The following ZBTB10 variants were observed in gnomAD, a reference collection of about 807,000 sequenced individuals.
ZBTB10 encodes zinc finger and BTB domain containing 10.
Under a neutral mutation model 76.4 loss-of-function variants are expected in ZBTB10, and 32 were observed. The ratio of observed to expected loss-of-function variants is 0.42; its 90% CI spans 0.32 to 0.56. The LOEUF is 0.56. Among genes scored for constraint, ZBTB10 ranks in the 20% least tolerant of loss-of-function variants. The probability of loss-of-function intolerance (pLI) is 0.14; values close to 1 mark genes in which losing one functional copy is unlikely to be tolerated. For synonymous variants in ZBTB10, 523 were observed against 432.9 expected, an observed-to-expected ratio of 1.21 and a Z score of -2.58; for missense variants, 1,057 against 1,098.5, an observed-to-expected ratio of 0.96 and a Z score of 0.53.
At chr8:80,513,784 A>G (rs772426150) in intron 2 of ZBTB10, 126 bp from the exon 3 acceptor site, 12 of 721,614 alleles carry the variant, frequency 1.7e-5, no homozygotes, top group African/African-American at 3.5e-5. Context: ...AGTATTGAAC[A>G]CAGTAGATAA....
At chr8:80,504,621 G>GAA (rs1816005732) in intron 2 of ZBTB10, among the ~76,000 whole-genome samples, 1 of 152,168 alleles carries the variant, frequency 6.6e-6, no homozygotes, top group South Asian at 2.1e-4. Flanking sequence ...GTAGAACTCA[G>GAA]AAAAGTTAGA....
At position 80,489,085 on chromosome 8, in the gene ZBTB10, G is replaced by A. The variant is rs1387781876; in HGVS notation, c.972+1303G>A. Among the ~76,000 whole-genome samples the A allele has an allele frequency of 4.6e-5, 7 of 151,832 alleles. No homozygotes were observed. The East Asian group carries it at 1.4e-3, about 29-fold the overall frequency. On this transcript the variant is annotated intron_variant, in intron 1 of 5. Transcript: ENST00000455036. ...ATTTAAAGATACAAGGCCGAGAAAG[G>A]TTAAGTAAATAGTCCTAAGAGTCTG...
In ZBTB10 at chr8:80,510,646, GTGTGTGT is replaced by G. The variant is rs1563464853; in HGVS notation, c.1862-3263_1862-3257del. Among the ~76,000 whole-genome samples the G allele has an allele frequency of 6.9e-3, 997 of 145,364 alleles. 7 individuals are homozygous for G. The highest frequency in any genetic ancestry group is 0.023 in the African/African-American group (936 of 40,606). ...CCGTCATTTTGTGAAACCAGTGTGTGTGTGTGTGTGTGTGTGTGTGTGTGTGTGTGTG... is the reference window on the plus strand; with the variant it reads ...CCGTCATTTTGTGAAACCAGTGTGTGGTGTGTGTGTGTGTGTGTGTGTGTG... On this transcript the variant is annotated intron_variant, in intron 2 of 5. Coordinates refer to ENST00000455036, the MANE Select transcript of ZBTB10 (RefSeq NM_001105539.3).
chr8:80,495,550 A>T (rs1298459754), intron 1 of ZBTB10, among the ~76,000 whole-genome samples: 1 of 152,006 alleles, frequency 6.6e-6, no homozygotes, highest in African/African-American at 2.4e-5. Flanking sequence ...AAAAAACTGG[A>T]TTAGATACAC....
intron 1 of ZBTB10, among the ~76,000 whole-genome samples, chr8:80,494,549 C>G (rs1437332774): frequency 6.6e-6 from 1 of 151,996 alleles, no homozygotes; most frequent in African/African-American, 2.4e-5. Context: ...TTTTTCTAGG[C>G]TCTGCTTCAC....
upstream of ZBTB10, chr8:80,485,967 C>G (rs1256775646): frequency 1.5e-6 from 2 of 1,359,772 alleles, no homozygotes; most frequent in Non-Finnish European, 2.0e-6. Flanking sequence ...CGGCCGCACA[C>G]GCCCGCCCCC....
intron 1 of ZBTB10, among the ~76,000 whole-genome samples, chr8:80,498,522 G>C (rs1044635196): frequency 2.6e-5 from 4 of 152,182 alleles, no homozygotes; most frequent in Non-Finnish European, 5.9e-5. Context: ...ACTAATCAAA[G>C]TGCTGGAGGG....
intron 5 of ZBTB10, 84 bp downstream of exon 5, chr8:80,519,038 T>G: frequency 6.9e-7 from 1 of 1,459,208 alleles, no homozygotes; most frequent in Non-Finnish European, 9.1e-7. Flanking sequence ...CAGTTAATTG[T>G]GAATTTAAGG....
At position 80,486,917 on chromosome 8, in the gene ZBTB10, C is replaced by T. The variant is rs201355421; in HGVS notation, c.107C>T (p.Ser36Leu). 0.015 allele frequency: 21,876 copies of T among 1,508,016 alleles called. 216 individuals carry two copies. Among genetic ancestry groups the T allele is most frequent in the Non-Finnish European group, 0.018 (19,926 of 1,132,204 alleles). 93.4% of individuals were successfully genotyped at this position (1,508,016 alleles called of 1,614,324 possible). ...STNNNAGGEASAWPPQPQPRQ... is the reference protein window; with the variant it reads ...STNNNAGGEALAWPPQPQPRQ... The stretch of plus-strand genomic sequence containing the variant: ...AACAATAACGCTGGCGGGGAGGCCT[C>T]AGCTTGGCCTCCGCAGCCCCAGCCG... The change falls in exon 1 of 6, where the codon TCA becomes TTA. Residue 36 changes from serine to leucine, a missense_variant. By Grantham distance (145) the Ser-to-Leu change is moderately radical (BLOSUM62 -2). Around this residue, in one of 5 missense-constraint regions of ZBTB10, gnomAD observed 556 missense variants for 451.7 expected, o/e 1.23. Transcript: ENST00000455036.
chr8:80,504,692 A>G (rs1323397574), intron 2 of ZBTB10, among the ~76,000 whole-genome samples: 1 of 152,226 alleles, frequency 6.6e-6, no homozygotes, highest in Non-Finnish European at 1.5e-5. Context: ...AACTGTCAGC[A>G]AAAACTAAAA....
At chr8:80,510,890 G>C (rs1055935960) in intron 2 of ZBTB10, among the ~76,000 whole-genome samples, 2 of 152,164 alleles carry the variant, frequency 1.3e-5, no homozygotes, top group African/African-American at 4.8e-5. Flanking sequence ...AGAAAAAGAT[G>C]ATGACCAAGA....
chr8:80,505,406 G>A (rs1816024699), intron 2 of ZBTB10, among the ~76,000 whole-genome samples: 1 of 151,976 alleles, frequency 6.6e-6, no homozygotes, highest in African/African-American at 2.4e-5. Flanking sequence ...TTTAATCTTT[G>A]CCACAAGCTG....
Position 80,487,629 on chromosome 8 carries a change from C to T in ZBTB10, c.819C>T (p.Gly273=), listed in dbSNP as rs752552558. ...YSKDTGLMSC[G]WCQKTPADGG... The stretch of plus-strand genomic sequence containing the variant: ...AGGATACTGGTCTTATGTCTTGCGG[C>T]TGGTGCCAAAAGACCCCTGCAGATG... Residue 273 remains glycine, a synonymous_variant, in exon 1 of 6, where the codon GGC becomes GGT. Coordinates refer to ENST00000455036, the MANE Select transcript of ZBTB10 (RefSeq NM_001105539.3). The T allele has an allele frequency of 1.2e-6, 2 of 1,613,860 alleles. No individual in the cohort carries two copies. The highest frequency in any genetic ancestry group is 1.7e-5 in the Admixed American group (1 of 60,018).
chr8:80,495,400 GT>G (rs1253549803), intron 1 of ZBTB10, among the ~76,000 whole-genome samples: 1 of 150,478 alleles, frequency 6.6e-6, no homozygotes, highest in East Asian at 1.9e-4. Flanking sequence ...AAAATGCTGG[GT>G]TTTTGTTTTG....
At position 80,521,135 on chromosome 8, in the gene ZBTB10, G is replaced by C. The variant is rs535353906; in HGVS notation, c.*1607G>C. The stretch of plus-strand genomic sequence containing the variant: ...TTTTTAAGAGACAAGCTTTATCATT[G>C]TCTCTGATTTCAGTAGAATAATGGT... On this transcript the variant is annotated 3_prime_UTR_variant, in exon 6 of 6. Coordinates refer to ENST00000455036, the MANE Select transcript of ZBTB10 (RefSeq NM_001105539.3). 4 of 151,820 alleles carry C rather than the reference G, an allele frequency of 2.6e-5. No homozygotes were observed. Among genetic ancestry groups the C allele is most frequent in the African/African-American group, 4.8e-5 (2 of 41,414 alleles). The allele number at this position is 151,820 out of a possible 1,614,324, so 9.4% of individuals were successfully genotyped here. A position where few individuals can be genotyped will look rare whatever the true frequency, so the allele number is the denominator to read the frequency against.
rs1016938962 is a variant in ZBTB10, at chr8:80,520,455, C to A, written c.*927C>A. Reference sequence around the variant, plus strand: ...TATACCTCAGTCCTATTTGAAAGACCTAATTGAAAGAAAAATCATAGAAAT... The same window carrying A: ...TATACCTCAGTCCTATTTGAAAGACATAATTGAAAGAAAAATCATAGAAAT... On this transcript the variant is annotated 3_prime_UTR_variant, in exon 6 of 6. Transcript: ENST00000455036. 1.3e-5 allele frequency: 2 copies of A among 152,268 alleles called. No individual in the cohort carries two copies. The highest frequency in any genetic ancestry group is 4.8e-5 in the African/African-American group (2 of 41,366). The allele number at this position is 152,268 out of a possible 1,614,324, so 9.4% of individuals were successfully genotyped here. A position where few individuals can be genotyped will look rare whatever the true frequency, so the allele number is the denominator to read the frequency against.
chr8:80,515,190 G>A (rs545073205), intron 3 of ZBTB10, among the ~76,000 whole-genome samples: 2 of 152,292 alleles, frequency 1.3e-5, no homozygotes, highest in East Asian at 3.9e-4. Flanking sequence ...GAAGTTATGA[G>A]CATGCATGTT....
intron 2 of ZBTB10, among the ~76,000 whole-genome samples, chr8:80,512,089 A>G (rs1478127909): frequency 6.6e-6 from 1 of 152,032 alleles, no homozygotes; most frequent in Non-Finnish European, 1.5e-5. Context: ...ACATTAAATA[A>G]CATTTACCAC....
intron 2 of ZBTB10, among the ~76,000 whole-genome samples, chr8:80,502,947 G>C (rs1444298999): frequency 6.6e-6 from 1 of 152,038 alleles, no homozygotes; most frequent in Admixed American, 6.6e-5. Context: ...TGCCGTAAAG[G>C]GTCTCTCTTC....
Sources: gnomAD v4.1 joint callset for allele counts (sites outside exome capture counted in the v4.1 genomes callset) on GRCh38, gnomAD v4.1.1 for gene constraint, gnomAD v4.1.1 regional missense constraint, MANE v1.5 for transcripts, NCBI Gene and HGNC (gene_info 2026-07-23, HGNC 2026-07-21) for gene names.